GOLGA4: variants seen among roughly 807,000 people sequenced by gnomAD.
GOLGA4 encodes the protein golgin A4.
In GOLGA4, 169 loss-of-function variants were observed where a neutral mutation model predicts 265.9. The observed-to-expected ratio is 0.64, with a 90% CI of 0.56 to 0.72. The LOEUF (loss-of-function observed/expected upper bound fraction) is 0.72, where lower values mean the gene tolerates loss of function less well. Ranked by LOEUF, GOLGA4 falls within the 30% of genes least tolerant of loss-of-function variation. The pLI, the probability that GOLGA4 is intolerant of heterozygous loss-of-function variation, is 0.00. For missense variants in GOLGA4, 2,482 were observed against 2,483.4 expected, an observed-to-expected ratio of 1.00 and a Z score of 0.01; for synonymous variants, 923 against 855.8, an observed-to-expected ratio of 1.08 and a Z score of -1.37.
chr3:37,356,272 C>G (rs902817370), intron 22 of GOLGA4, among the ~76,000 whole-genome samples: 3 of 152,100 alleles, frequency 2.0e-5, no homozygotes, highest in African/African-American at 2.4e-5. Flanking sequence ...TCCTCTGACT[C>G]TCTGCACAAG....
Position 37,327,422 on chromosome 3 carries a change from G to T in GOLGA4, c.5536G>T (p.Glu1846Ter). 1 of 1,613,688 alleles carries T rather than the reference G, an allele frequency of 6.2e-7. No homozygotes were observed. The highest frequency in any genetic ancestry group is 8.5e-7 in the Non-Finnish European group (1 of 1,179,824). The change falls in exon 14 of 24, where the codon GAA becomes TAA. Residue 1846 changes from glutamate to a stop codon, truncating the protein, a stop_gained. Transcript: ENST00000361924. LOFTEE classifies it high-confidence loss of function. ...DDVQKTLQEK[E>*]LTCQILEQKI... ...CGTCCAGAAAACCCTCCAGGAGAAGGAACTAACCTGTCAGATTTTGGAGCA... is the reference window on the plus strand; with the variant it reads ...CGTCCAGAAAACCCTCCAGGAGAAGTAACTAACCTGTCAGATTTTGGAGCA...
rs184743517 is a variant in GOLGA4 at position 37,296,216 on chromosome 3, G to T, written c.811G>T (p.Val271Leu). ...GAATCCAGAAAGTGATGGAGAGCCA[G>T]TAGGTAAGCTTCATTTTGTCAAAAG... is the stretch of plus-strand genomic sequence containing the variant. Reference protein sequence around the residue: ...EENPESDGEPVVEDGTSVKTL... With the variant: ...EENPESDGEPLVEDGTSVKTL... Residue 271 changes from valine (V) to leucine (L), a missense_variant, in exon 7 of 24, where the codon GTA becomes TTA. Val to Leu is a conservative substitution (Grantham distance 32). Around this residue, in one of 3 missense-constraint regions of GOLGA4, gnomAD observed 1,536 missense variants for 1,483.7 expected, o/e 1.04. Coordinates refer to ENST00000361924, the MANE Select transcript of GOLGA4 (RefSeq NM_002078.5). The T allele has an allele frequency of 1.5e-3, 2,375 of 1,614,010 alleles. 2 individuals carry two copies. Among genetic ancestry groups the T allele is most frequent in the Admixed American group, 3.2e-3 (195 of 60,004 alleles).
chr3:37,296,660 TC>T (rs2096879246), intron 7 of GOLGA4, among the ~76,000 whole-genome samples: 1 of 152,158 alleles, frequency 6.6e-6, no homozygotes, highest in East Asian at 1.9e-4. Flanking sequence ...AACCTCCATC[TC>T]CTGGGTTCAA....
At chr3:37,269,925 G>T (rs201435088) in intron 2 of GOLGA4, among the ~76,000 whole-genome samples, 1 of 114,074 alleles carries the variant, frequency 8.8e-6, no homozygotes, top group African/African-American at 3.5e-5. Context: ...GCAGAGTCTC[G>T]CTCTGTCACC....
At chr3:37,314,984 A>C (rs9809700) in intron 10 of GOLGA4, among the ~76,000 whole-genome samples, 4,013 of 152,338 alleles carry the variant, frequency 0.026, 153 homozygotes, top group African/African-American at 0.091. Context: ...TTCCATTCTT[A>C]AAAGTGTCAT....
In GOLGA4 at chr3:37,324,882, T is replaced by G; in HGVS notation, c.2996T>G (p.Phe999Cys). 6.3e-7 allele frequency: 1 copy of G among 1,599,500 alleles called. No homozygotes were observed. Among genetic ancestry groups the G allele is most frequent in the Non-Finnish European group, 8.5e-7 (1 of 1,175,846 alleles). ...GAGCTTAGTCAGAAAGAAAAACAGTTTAATGCCAAAATGCTGGAAATGGCA... is the reference window on the plus strand; with the variant it reads ...GAGCTTAGTCAGAAAGAAAAACAGTGTAATGCCAAAATGCTGGAAATGGCA... ...ALELSQKEKQ[F>C]NAKMLEMAQA... The change falls in exon 14 of 24, where the codon TTT (phenylalanine) becomes TGT (cysteine). Residue 999 changes from phenylalanine to cysteine, a missense_variant. Transcript: ENST00000361924.
chr3:37,341,820 TA>T (rs1222962517), intron 20 of GOLGA4: 1 of 152,246 alleles, frequency 6.6e-6, no homozygotes, highest in African/African-American at 2.4e-5. Context: ...ATTTCCTACA[TA>T]ATTAATTTTT....
intron 20 of GOLGA4, among the ~76,000 whole-genome samples, chr3:37,345,297 T>C (rs551310197): frequency 6.6e-6 from 1 of 152,370 alleles, no homozygotes; most frequent in East Asian, 1.9e-4. Flanking sequence ...ATGTAATATT[T>C]ATTTTCTAAC....
chr3:37,298,404 A>G (rs1253586870), intron 7 of GOLGA4, among the ~76,000 whole-genome samples: 1 of 152,128 alleles, frequency 6.6e-6, no homozygotes, highest in South Asian at 2.1e-4. Flanking sequence ...CAGATGAGCC[A>G]ATTTATCGAT....
intron 10 of GOLGA4, among the ~76,000 whole-genome samples, chr3:37,303,571 C>A (rs2096898565): frequency 6.6e-6 from 1 of 151,992 alleles, no homozygotes; most frequent in Non-Finnish European, 1.5e-5. Flanking sequence ...TGAATTTGAC[C>A]CAGTCATGAG....
rs1453799965 is a variant in GOLGA4, at chr3:37,251,470, A to G, written c.148A>G (p.Thr50Ala). ...SSFTEQLDEG[T>A]PNRESGDTQS... ...ATTTACAGAGCAACTTGATGAAGGT[A>G]CACCCAATAGAGAGGTAAGTTTGGA... is the stretch of plus-strand genomic sequence containing the variant. Residue 50 changes from threonine to alanine, a missense_variant, in exon 2 of 24, where the codon ACA (threonine) becomes GCA (alanine). By Grantham distance (58) the Thr-to-Ala change is moderately conservative. Transcript: ENST00000361924. The G allele has an allele frequency of 5.0e-6, 8 of 1,601,188 alleles. No homozygotes were observed. The Admixed American group carries it at 1.2e-4, about 23-fold the overall frequency.
chr3:37,262,287 C>T (rs1290677166), intron 2 of GOLGA4, among the ~76,000 whole-genome samples: 2 of 152,162 alleles, frequency 1.3e-5, no homozygotes, highest in Non-Finnish European at 2.9e-5. Context: ...GGGCAGATCA[C>T]TTGAGGCCAG....
intron 3 of GOLGA4, among the ~76,000 whole-genome samples, chr3:37,284,858 C>T (rs945875682): frequency 5.9e-5 from 9 of 151,786 alleles, no homozygotes; most frequent in East Asian, 1.9e-4. Flanking sequence ...GTAGACATGG[C>T]GTTGCCATTT....
At chr3:37,253,732 G>T (rs1279282209) in intron 2 of GOLGA4, among the ~76,000 whole-genome samples, 1 of 151,760 alleles carries the variant, frequency 6.6e-6, no homozygotes, top group Admixed American at 6.6e-5. Flanking sequence ...AAAAGCAATG[G>T]TAGCAGTCAG....
chr3:37,352,982 A>T (rs572147779), intron 21 of GOLGA4, among the ~76,000 whole-genome samples: 55 of 152,204 alleles, frequency 3.6e-4, no homozygotes, highest in African/African-American at 1.0e-3. Flanking sequence ...TTTTACTTGC[A>T]TACTTACAGA....
chr3:37,329,966 A>G (rs2096984676), intron 16 of GOLGA4, among the ~76,000 whole-genome samples: 1 of 152,104 alleles, frequency 6.6e-6, no homozygotes, highest in Non-Finnish European at 1.5e-5. Context: ...AGATTCTAAT[A>G]ATTATTTTAA....
At chr3:37,294,382 ATTTT>A (rs55842993) in intron 5 of GOLGA4, among the ~76,000 whole-genome samples, 5 of 132,034 alleles carry the variant, frequency 3.8e-5, no homozygotes, top group Admixed American at 7.6e-5. Context: ...ATCTTAAGTA[ATTTT>A]TTTTTTTTTT....
In GOLGA4 at chr3:37,324,998, C is replaced by G. The variant is rs776532250; in HGVS notation, c.3112C>G (p.Arg1038Gly). The stretch of plus-strand genomic sequence containing the variant: ...AGAAAGTCTTACTGAGGTTCATCGA[C>G]GAGAACTCAATGATGTCATATCAAT... ...QIESLTEVHR[R>G]ELNDVISIWE... Residue 1038 changes from arginine to glycine, a missense_variant, in exon 14 of 24, where the codon CGA (arginine) becomes GGA (glycine). Arg to Gly is a moderately radical substitution (Grantham distance 125). Coordinates refer to ENST00000361924, the MANE Select transcript of GOLGA4 (RefSeq NM_002078.5). 3.7e-6 allele frequency: 6 copies of G among 1,612,396 alleles called. No individual in the cohort carries two copies. The Admixed American group carries it at 1.0e-4, about 27-fold the overall frequency.
At chr3:37,356,506 G>C (rs1357361522) in intron 22 of GOLGA4, among the ~76,000 whole-genome samples, 9 of 152,056 alleles carry the variant, frequency 5.9e-5, no homozygotes, top group African/African-American at 2.2e-4. Flanking sequence ...CTGGCATTTA[G>C]TAACCTGAAA....
Sources: gnomAD v4.1 joint callset for allele counts (sites outside exome capture counted in the v4.1 genomes callset) on GRCh38, gnomAD v4.1.1 for gene constraint, gnomAD v4.1.1 regional missense constraint, MANE v1.5 for transcripts, NCBI Gene and HGNC (gene_info 2026-07-23, HGNC 2026-07-21) for gene names.